Variants in MUC5B observed in about 807,000 individuals in gnomAD.
MUC5B encodes the protein mucin 5B, oligomeric mucus/gel-forming.
In MUC5B, 116 loss-of-function variants were observed where a neutral mutation model predicts 376.9. The observed-to-expected ratio is 0.31, with a 90% CI of 0.26 to 0.36. MUC5B has a LOEUF of 0.36. Ranked by LOEUF, MUC5B falls within the 10% of genes least tolerant of loss-of-function variation. The pLI is 1.00. For missense variants in MUC5B, 7,165 were observed against 7,769.9 expected (o/e 0.92, Z 2.93); for synonymous variants, 3,517 against 3,390.9 (o/e 1.04, Z -1.29).
Position 1,247,270 on chromosome 11 carries a change from C to T in MUC5B, c.10390C>T (p.Pro3464Ser). ...THGRSLPPSS[P>S]HTVRTAWTSA... ...CGGGCGGTCCCTGCCCCCCAGCAGTCCCCACACGGTGCGCACAGCCTGGAC... is the reference window on the plus strand; with the variant it reads ...CGGGCGGTCCCTGCCCCCCAGCAGTTCCCACACGGTGCGCACAGCCTGGAC... The change falls in exon 31 of 49, where the codon CCC (proline) becomes TCC (serine). Residue 3464 changes from proline to serine, a missense_variant. By Grantham distance (74) the Pro-to-Ser change is moderately conservative. This residue lies in a region of MUC5B where 939 missense variants were observed against 770.6 expected (regional missense o/e 1.22). Transcript: ENST00000529681. 1.2e-6 allele frequency: 2 copies of T among 1,611,970 alleles called. No individual in the cohort carries two copies. The highest frequency in any genetic ancestry group is 1.7e-6 in the Non-Finnish European group (2 of 1,179,482).
Position 1,254,801 on chromosome 11 carries a change from G to C in MUC5B, c.15585G>C (p.Val5195=). The C allele has an allele frequency of 1.2e-6, 2 of 1,612,738 alleles. No individual in the cohort carries two copies. Among genetic ancestry groups the C allele is most frequent in the Non-Finnish European group, 1.7e-6 (2 of 1,179,806 alleles). Residue 5195 remains valine (V), a synonymous_variant, in exon 35 of 49, where the codon GTG becomes GTC. Coordinates refer to ENST00000529681, the MANE Select transcript of MUC5B (RefSeq NM_002458.3). The stretch of plus-strand genomic sequence containing the variant: ...GTGTGGACATTCCTGCCCTGGGCGT[G>C]AGCGTCACCTTCAATGGCCAAGTCT... ...TMRVDIPALG[V]SVTFNGQVFQ...
chr11:1,247,445 C>A lies in MUC5B; in HGVS notation c.10565C>A (p.Pro3522His), dbSNP rs771136291. 19 of 1,609,644 alleles carry A rather than the reference C, an allele frequency of 1.2e-5. No individual in the cohort carries two copies. In the African/African-American group the frequency reaches 2.0e-4, roughly 17 times the overall value. Residue 3522 changes from proline (P) to histidine (H), a missense_variant, in exon 31 of 49, where the codon CCC (proline) becomes CAC (histidine). By Grantham distance (77) the Pro-to-His change is moderately conservative (BLOSUM62 -2). Around this residue, in one of 31 missense-constraint regions of MUC5B, gnomAD observed 939 missense variants for 770.6 expected, o/e 1.22. Coordinates refer to ENST00000529681, the MANE Select transcript of MUC5B (RefSeq NM_002458.3). ...PHPSSRTTES[P>H]PSPGTTTPGH... ...CCTAGCAGCAGGACCACCGAGTCAC[C>A]CCCTTCTCCAGGGACGACCACCCCG...
chr11:1,238,180 G>A (rs56162397), intron 25 of MUC5B, among the ~76,000 whole-genome samples: 3,476 of 152,310 alleles, frequency 0.023, 57 homozygotes, highest in Non-Finnish European at 0.033. Flanking sequence ...TGGTCAGGAC[G>A]CATTCACAGC....
rs1862396830 is a variant in MUC5B at position 1,244,604 on chromosome 11, A to G, written c.7724A>G (p.His2575Arg). 5 of 1,612,208 alleles carry G rather than the reference A, an allele frequency of 3.1e-6. No homozygotes were observed. The highest frequency in any genetic ancestry group is 4.2e-6 in the Non-Finnish European group (5 of 1,179,534). The change falls in exon 31 of 49, where the codon CAC (histidine) becomes CGC (arginine). Residue 2575 changes from histidine (H) to arginine (R), a missense_variant. By Grantham distance (29) the His-to-Arg change is conservative. This residue lies in a region of MUC5B where 194 missense variants were observed against 268.5 expected (regional missense o/e 0.72). Coordinates refer to ENST00000529681, the MANE Select transcript of MUC5B (RefSeq NM_002458.3). ...ATPSSTPETV[H>R]TSTVLTTTAT... ...CCCTCCTCCACTCCAGAGACTGTCC[A>G]CACCTCCACAGTGCTTACCACCACG...
In MUC5B at chr11:1,258,435, C is replaced by T. The variant is rs1231517478; in HGVS notation, c.16593+68C>T. On this transcript the variant is annotated intron_variant, in intron 43 of 48. Transcript: ENST00000529681. This position sits in a 1 kb window ranked among gnomAD's most constrained non-coding sequence, Gnocchi z 5.5. ...CATGTGTGTGGGATGCCCCGGGGCT[C>T]TCTGAGCCCCACTCCTTGTCTTGAC... The T allele has an allele frequency of 6.4e-7, 1 of 1,557,024 alleles. No homozygotes were observed. The highest frequency in any genetic ancestry group is 8.7e-7 in the Non-Finnish European group (1 of 1,143,996).
At position 1,230,677 on chromosome 11, in the gene MUC5B, T is replaced by TCCCCCTCCAGCCCCGAGGCCAGGTC; in HGVS notation, c.1470+92_1470+116dup. On this transcript the variant is annotated intron_variant, in intron 12 of 48. Coordinates refer to ENST00000529681, the MANE Select transcript of MUC5B (RefSeq NM_002458.3). ...TGTGTGGGGAGCAAGCACGGTCAGGTCCCCCTCCAGCCCCGAGGCCAGGTC... is the reference window on the plus strand; with the variant it reads ...TGTGTGGGGAGCAAGCACGGTCAGGTCCCCCTCCAGCCCCGAGGCCAGGTCCCCCCTCCAGCCCCGAGGCCAGGTC... 12 of 1,346,794 alleles carry TCCCCCTCCAGCCCCGAGGCCAGGTC rather than the reference T, an allele frequency of 8.9e-6. No homozygotes were observed. The South Asian group carries it at 9.4e-5, about 11-fold the overall frequency. 83.4% of individuals were successfully genotyped at this position (1,346,794 alleles called of 1,614,324 possible).
chr11:1,248,975 C>G lies in MUC5B; in HGVS notation c.12095C>G (p.Thr4032Ser). The G allele has an allele frequency of 6.2e-7, 1 of 1,607,440 alleles. No homozygotes were observed. The highest frequency in any genetic ancestry group is 8.5e-7 in the Non-Finnish European group (1 of 1,177,626). Residue 4032 changes from threonine (T) to serine (S), a missense_variant, in exon 31 of 49, where the codon ACC becomes AGC. By Grantham distance (58) the Thr-to-Ser change is moderately conservative. Around this residue, in one of 31 missense-constraint regions of MUC5B, gnomAD observed 47 missense variants for 98.5 expected, o/e 0.48. Transcript: ENST00000529681. ...GTGCGCACAGCCTGGACTTCGGCCA[C>G]CTCAGGCACCTTGGGCACCACCCAC... ...HTVRTAWTSA[T>S]SGTLGTTHIT...
rs760538782 is a variant in MUC5B at position 1,257,633 on chromosome 11, C to T, written c.16373C>T (p.Pro5458Leu). 1.7e-5 allele frequency: 27 copies of T among 1,599,718 alleles called. No homozygotes were observed. The highest frequency in any genetic ancestry group is 6.6e-5 in the South Asian group (6 of 90,540). Residue 5458 changes from proline (P) to leucine (L), a missense_variant, in exon 41 of 49, where the codon CCG becomes CTG. Around this residue, in one of 31 missense-constraint regions of MUC5B, gnomAD observed 842 missense variants for 1,016.9 expected, o/e 0.83. Transcript: ENST00000529681. The surrounding 1 kb of genome is among the most constrained non-coding windows in gnomAD (Gnocchi z 8.9). ...PLPCDAQGQPPPCNRPGFVTV... is the reference protein window; with the variant it reads ...PLPCDAQGQPLPCNRPGFVTV... ...CCCTGTGACGCCCAGGGTCAGCCCC[C>T]GCCGTGCAACCGTCCCGGCTTCGTA...
intron 27 of MUC5B, 111 bp from the exon 28 acceptor site, chr11:1,239,688 G>C: frequency 6.7e-7 from 1 of 1,494,498 alleles, no homozygotes; most frequent in Non-Finnish European, 8.9e-7. Flanking sequence ...CAAGCCTTGA[G>C]GGCAGGCCCC....
At position 1,231,986 on chromosome 11, in the gene MUC5B, T is replaced by C. The variant is rs1267665177; in HGVS notation, c.1679-10T>C. On this transcript the variant is annotated splice_polypyrimidine_tract_variant and intron_variant, in intron 14 of 48. Coordinates refer to ENST00000529681, the MANE Select transcript of MUC5B (RefSeq NM_002458.3). Reference sequence around the variant, plus strand: ...AGTGGCCGCTGACATCCCCCAACCCTGGCCCCCAGGCCTGTGTGGGAACTT... The same window carrying C: ...AGTGGCCGCTGACATCCCCCAACCCCGGCCCCCAGGCCTGTGTGGGAACTT... The C allele has an allele frequency of 1.2e-6, 2 of 1,612,366 alleles. No homozygotes were observed. The highest frequency in any genetic ancestry group is 1.1e-5 in the South Asian group (1 of 91,082).
At chr11:1,236,268 C>G in intron 23 of MUC5B, 118 bp from the exon 24 acceptor site, 1 of 994,996 alleles carries the variant, frequency 1.0e-6, no homozygotes, top group East Asian at 2.7e-5. Context: ...CTAACGCCAG[C>G]CGCTTGTGCT....
chr11:1,227,901 C>G (rs948257690), intron 7 of MUC5B, 120 bp downstream of exon 7: 2 of 612,630 alleles, frequency 3.3e-6, no homozygotes, highest in Admixed American at 2.5e-5. Flanking sequence ...GGAGGGAGGC[C>G]GGGCAGCCAC....
rs970401589 is a variant in MUC5B at position 1,223,288 on chromosome 11, G to A, written c.70+95G>A. 29 of 700,214 alleles carry A rather than the reference G, an allele frequency of 4.1e-5. 1 individual carries two copies. Among genetic ancestry groups the A allele is most frequent in the Middle Eastern group, 2.3e-4 (1 of 4,378 alleles). The allele number at this position is 700,214 out of a possible 1,614,324, so 43.4% of individuals were successfully genotyped here. A position where few individuals can be genotyped will look rare whatever the true frequency, so the allele number is the denominator to read the frequency against. ...TGGGAGCTTCTCCTGCAGAGTGCAC[G>A]GGCAGATCCCCCTACGACTCCCTGA... On this transcript the variant is annotated intron_variant, in intron 1 of 48. Coordinates refer to ENST00000529681, the MANE Select transcript of MUC5B (RefSeq NM_002458.3).
chr11:1,236,641 TGG>T lies in MUC5B; in HGVS notation c.3057+81_3057+82del. On this transcript the variant is annotated intron_variant, in intron 24 of 48. Coordinates refer to ENST00000529681, the MANE Select transcript of MUC5B (RefSeq NM_002458.3). ...AAACCCTGGTGCCAGGTGGGGTCTGTGGGACTCGCTGACCCGTGGGTGCGTGA... is the reference window on the plus strand; with the variant it reads ...AAACCCTGGTGCCAGGTGGGGTCTGTGACTCGCTGACCCGTGGGTGCGTGA... 5 of 1,423,210 alleles carry T rather than the reference TGG, an allele frequency of 3.5e-6. No homozygotes were observed. The Admixed American group carries it at 9.6e-5, about 27-fold the overall frequency. 88.2% of individuals were successfully genotyped at this position (1,423,210 alleles called of 1,614,324 possible).
chr11:1,245,222 C>G lies in MUC5B; in HGVS notation c.8342C>G (p.Thr2781Ser). Residue 2781 changes from threonine to serine, a missense_variant, in exon 31 of 49, where the codon ACC (threonine) becomes AGC (serine). This residue lies in a region of MUC5B where 70 missense variants were observed against 169.1 expected (regional missense o/e 0.41). Transcript: ENST00000529681. ...TCGGCCACCTCAGGCACCTTGGGCA[C>G]CACCCACATCACAGAGCCTTCCACG... ...WTSATSGTLG[T>S]THITEPSTGT... 1 of 1,596,288 alleles carries G rather than the reference C, an allele frequency of 6.3e-7. No individual in the cohort carries two copies. The highest frequency in any genetic ancestry group is 8.5e-7 in the Non-Finnish European group (1 of 1,172,876).
At position 1,251,198 on chromosome 11, in the gene MUC5B, C is replaced by A. The variant is rs542177066; in HGVS notation, c.14318C>A (p.Ser4773Tyr). 2 of 1,611,430 alleles carry A rather than the reference C, an allele frequency of 1.2e-6. No individual in the cohort carries two copies. The highest frequency in any genetic ancestry group is 2.7e-5 in the African/African-American group (2 of 74,854). The change falls in exon 31 of 49, where the codon TCC becomes TAC. Residue 4773 changes from serine (S) to tyrosine (Y), a missense_variant. By Grantham distance (144) the Ser-to-Tyr change is moderately radical. Transcript: ENST00000529681. ...TVPAQTTTPM[S>Y]TMSTIHTSST... ...CCAGCACAGACCACCACACCCATGT[C>A]CACCATGTCCACAATCCACACCTCC...
In MUC5B at chr11:1,251,689, T is replaced by C; in HGVS notation, c.14809T>C (p.Ser4937Pro). 6.2e-7 allele frequency: 1 copy of C among 1,612,462 alleles called. No individual in the cohort carries two copies. Residue 4937 changes from serine (S) to proline (P), a missense_variant, in exon 31 of 49, where the codon TCC becomes CCC. Physicochemically the swap from Ser to Pro is moderately conservative, Grantham distance 74. This residue lies in a region of MUC5B where 730 missense variants were observed against 592.7 expected (regional missense o/e 1.23). Transcript: ENST00000529681. ...TTLRPTGFPSSHFSTPCFCRA... is the reference protein window; with the variant it reads ...TTLRPTGFPSPHFSTPCFCRA... ...CCTGAGACCCACTGGCTTCCCCAGC[T>C]CCCACTTCTCTACTCCCTGCTTCTG...
chr11:1,256,292 G>C (rs1862833117), intron 38 of MUC5B, 67 bp downstream of exon 38: 1 of 705,060 alleles, frequency 1.4e-6, no homozygotes, highest in East Asian at 2.7e-5. Context: ...GGGGGAGCAG[G>C]AGGAGGCCAG....
intron 24 of MUC5B, 24 bp downstream of exon 24, chr11:1,236,586 A>C (rs1862162781): frequency 6.2e-7 from 1 of 1,603,866 alleles, no homozygotes; most frequent in Admixed American, 1.7e-5. Flanking sequence ...GTGCACTCCT[A>C]GGCCCTGCAG....
Sources: allele counts gnomAD v4.1 joint callset (sites outside exome capture counted in the v4.1 genomes callset), GRCh38; gene constraint gnomAD v4.1.1; regional missense constraint gnomAD v4.1.1; non-coding constraint Gnocchi (gnomAD v3.1); transcripts MANE v1.5; gene names NCBI Gene and HGNC (gene_info 2026-07-23, HGNC 2026-07-21).